The following KIF21B variants were observed in gnomAD, a reference collection of about 807,000 sequenced individuals.
KIF21B encodes the protein kinesin-like protein KIF21B.
In KIF21B, 85 loss-of-function variants were observed where a neutral mutation model predicts 192.9. The observed-to-expected ratio is 0.44, with a 90% CI of 0.37 to 0.53. KIF21B has a LOEUF of 0.53. KIF21B is among the 20% of genes least tolerant of loss of function. The pLI is 0.00. For synonymous variants in KIF21B, 832 were observed against 884.6 expected (o/e 0.94, Z 1.05); for missense variants, 1,716 against 2,194.8 (o/e 0.78, Z 4.36).
rs779375010 is a variant in KIF21B, at chr1:200,974,901, C to T, written c.4627G>A (p.Ala1543Thr). The change falls in exon 34 of 35, where the codon GCG (alanine) becomes ACG (threonine). Residue 1543 changes from alanine to threonine, a missense_variant. Ala to Thr is a moderately conservative substitution (Grantham distance 58). Around this residue, in one of 3 missense-constraint regions of KIF21B, gnomAD observed 580 missense variants for 775.5 expected, o/e 0.75. Transcript: ENST00000461742. ...AGGGCGCACACCCAGTCCTTGTGCGCATTGGGGATTTGCTGTGAGAGGATC... is the reference window on the plus strand; with the variant it reads ...AGGGCGCACACCCAGTCCTTGTGCGTATTGGGGATTTGCTGTGAGAGGATC... ...QQELIQQIPN[A>T]HKDWVCALAF... The T allele has an allele frequency of 8.7e-6, 14 of 1,613,722 alleles. No homozygotes were observed. Among genetic ancestry groups the T allele is most frequent in the Non-Finnish European group, 1.1e-5 (13 of 1,180,010 alleles).
intron 21 of KIF21B, 81 bp from the exon 22 acceptor site, chr1:200,989,012 G>C (rs1656499658): frequency 7.1e-7 from 1 of 1,405,470 alleles, no homozygotes; most frequent in African/African-American, 1.4e-5. Flanking sequence ...CACCCCTCAA[G>C]ACACCTTGGA....
chr1:200,981,996 G>T (rs1167569218), intron 28 of KIF21B, among the ~76,000 whole-genome samples: 1 of 152,124 alleles, frequency 6.6e-6, no homozygotes, highest in Non-Finnish European at 1.5e-5. Context: ...AGAGAAAGCT[G>T]CTCCTGACAG....
rs975225512 is a variant in KIF21B, at chr1:200,984,775, G to A, written c.3803+84C>T. The A allele has an allele frequency of 3.5e-5, 37 of 1,063,192 alleles. No homozygotes were observed. The African/African-American group carries it at 5.5e-4, about 16-fold the overall frequency. 65.9% of individuals were successfully genotyped at this position (1,063,192 alleles called of 1,614,324 possible). On this transcript the variant is annotated intron_variant, in intron 27 of 34. Transcript: ENST00000461742. Reference sequence around the variant, plus strand: ...CAGGCTGGGGTTGGCTTGGCCACCTGAGCCCTCCTCCAGCAAGGACCATCC... The same window carrying A: ...CAGGCTGGGGTTGGCTTGGCCACCTAAGCCCTCCTCCAGCAAGGACCATCC...
At chr1:200,974,120 T>G in intron 34 of KIF21B, 1 of 1,606,894 alleles carries the variant, frequency 6.2e-7, no homozygotes, top group Non-Finnish European at 8.5e-7. Flanking sequence ...GGCGCGGCCC[T>G]TTATGGCCAG....
Position 200,990,104 on chromosome 1 carries a change from G to T in KIF21B, c.3030+34C>A. ...GCTACCCCTGCCACCCATCTCTCCC[G>T]CCTCCGCCCCAGCAGGCCCAGCCCT... On this transcript the variant is annotated intron_variant, in intron 20 of 34. Coordinates refer to ENST00000461742, the MANE Select transcript of KIF21B (RefSeq NM_001252102.2). The surrounding 1 kb of genome is among the most constrained non-coding windows in gnomAD (Gnocchi z 5.4). 2 of 1,610,264 alleles carry T rather than the reference G, an allele frequency of 1.2e-6. No individual in the cohort carries two copies. The highest frequency in any genetic ancestry group is 1.7e-6 in the Non-Finnish European group (2 of 1,177,278).
chr1:201,023,286 C>G lies in KIF21B; in HGVS notation c.41+57G>C, dbSNP rs949080056. 2.7e-6 allele frequency: 4 copies of G among 1,458,282 alleles called. No individual in the cohort carries two copies. Among genetic ancestry groups the G allele is most frequent in the African/African-American group, 2.9e-5 (2 of 68,298 alleles). 90.3% of individuals were successfully genotyped at this position (1,458,282 alleles called of 1,614,324 possible). A position where few individuals can be genotyped will look rare whatever the true frequency, so the allele number is the denominator to read the frequency against. ...GCTCGCGCCCCCCGCCCAAAGCCCA[C>G]GCGAGACAAAGCCCGAGGCTTCTCC... is the stretch of plus-strand genomic sequence containing the variant. On this transcript the variant is annotated intron_variant, in intron 1 of 34. Transcript: ENST00000461742. The surrounding 1 kb of genome is among the most constrained non-coding windows in gnomAD (Gnocchi z 5.9).
At position 201,022,598 on chromosome 1, in the gene KIF21B, G is replaced by A. The variant is rs1012389914; in HGVS notation, c.41+745C>T. Among the ~76,000 whole-genome samples, 5 of 152,208 alleles carry A rather than the reference G, an allele frequency of 3.3e-5. No individual in the cohort carries two copies. The East Asian group carries it at 9.6e-4, about 29-fold the overall frequency. On this transcript the variant is annotated intron_variant, in intron 1 of 34. Coordinates refer to ENST00000461742, the MANE Select transcript of KIF21B (RefSeq NM_001252102.2). ...GTCCTCTCCCTGTCTCATTTCTGCC[G>A]GCTCAAGTCCCGGAGCTGTTGAGAA...
intron 3 of KIF21B, among the ~76,000 whole-genome samples, chr1:201,007,395 C>CACACACAGAG (rs1310755944): frequency 5.1e-4 from 72 of 141,508 alleles, no homozygotes; most frequent in African/African-American, 2.0e-3. Context: ...CACAGACACA[C>CACACACAGAG]ACACGCAGAC....
intron 15 of KIF21B, among the ~76,000 whole-genome samples, chr1:200,993,593 T>C (rs116107335): frequency 0.017 from 2,612 of 151,814 alleles, 85 homozygotes; most frequent in African/African-American, 0.059. Context: ...ACAAAAATAA[T>C]ACAAAAACTA....
chr1:200,983,517 C>T (rs1299367563), intron 27 of KIF21B, among the ~76,000 whole-genome samples: 2 of 152,190 alleles, frequency 1.3e-5, no homozygotes, highest in Non-Finnish European at 2.9e-5. Context: ...GATCCTACCC[C>T]TCCCTGGGAG....
chr1:200,995,607 G>C (rs554817804), intron 15 of KIF21B, among the ~76,000 whole-genome samples: 7 of 152,354 alleles, frequency 4.6e-5, no homozygotes, highest in South Asian at 4.1e-4. Context: ...CAGTGGCTTG[G>C]GAGCCAGAGA....
chr1:201,018,947 A>G (rs2102483318), intron 1 of KIF21B, among the ~76,000 whole-genome samples: 2 of 152,246 alleles, frequency 1.3e-5, no homozygotes, highest in East Asian at 3.9e-4. Context: ...ATTTTATTTT[A>G]TTTTTGAGAA....
rs374243260 is a variant in KIF21B at position 200,990,734 on chromosome 1, T to C, written c.2688-11A>G. On this transcript the variant is annotated splice_polypyrimidine_tract_variant and intron_variant, in intron 18 of 34. Transcript: ENST00000461742. The surrounding 1 kb of genome is among the most constrained non-coding windows in gnomAD (Gnocchi z 5.4). ...TTCTGGAACTTCTTTCTGGGAGACA[T>C]AGGCAAAGGGGATTGGATGGGACTC... The C allele has an allele frequency of 4.6e-4, 740 of 1,613,992 alleles. 2 individuals carry two copies. Among genetic ancestry groups the C allele is most frequent in the African/African-American group, 5.9e-4 (44 of 75,038 alleles).
At chr1:201,005,190 A>T in intron 5 of KIF21B, 118 bp downstream of exon 5, 1 of 1,378,422 alleles carries the variant, frequency 7.3e-7, no homozygotes, top group Non-Finnish European at 9.8e-7. Context: ...AAAATCAACA[A>T]ATGGCAGAGG....
At position 201,003,736 on chromosome 1, in the gene KIF21B, GA is replaced by G; in HGVS notation, c.1061del (p.Phe354SerfsTer22). Reference sequence around the variant, plus strand: ...ATTTGAGTGTGTTGAGGGTCTCCATGAAATCTCGGTCTGAGGGGCTCACACA... The same window carrying G: ...ATTTGAGTGTGTTGAGGGTCTCCATGAATCTCGGTCTGAGGGGCTCACACA... Reference protein sequence around the residue: ...IACVSPSDRDFMETLNTLKYA... With the variant: ...IACVSPSDRDXMETLNTLKYA... On this transcript the variant is annotated frameshift_variant, in exon 8 of 35. Transcript: ENST00000461742. LOFTEE classifies it high-confidence loss of function. The G allele has an allele frequency of 1.2e-6, 2 of 1,614,188 alleles. No homozygotes were observed. Among genetic ancestry groups the G allele is most frequent in the Non-Finnish European group, 1.7e-6 (2 of 1,180,028 alleles).
intron 9 of KIF21B, chr1:201,001,859 T>C: frequency 2.4e-6 from 1 of 413,670 alleles, no homozygotes; most frequent in South Asian, 3.5e-5. Flanking sequence ...CACACCAAGC[T>C]GCTCATAGAG....
At chr1:200,989,412 C>T (rs1269791014) in intron 21 of KIF21B, among the ~76,000 whole-genome samples, 3 of 152,194 alleles carry the variant, frequency 2.0e-5, no homozygotes, top group African/African-American at 7.2e-5. Context: ...AGATGCACAC[C>T]ATGTAGGGTC....
chr1:200,981,979 T>C (rs1655962662), intron 28 of KIF21B, among the ~76,000 whole-genome samples: 2 of 152,170 alleles, frequency 1.3e-5, no homozygotes, highest in Non-Finnish European at 2.9e-5. Flanking sequence ...CTTTGTTTCT[T>C]TTCCCAAGAG....
chr1:201,014,847 G>A (rs1558029430), intron 1 of KIF21B, among the ~76,000 whole-genome samples: 2 of 152,236 alleles, frequency 1.3e-5, no homozygotes, highest in Admixed American at 1.3e-4. Context: ...AGAGGTCACA[G>A]GCTATGGTAT....
Sources: gnomAD v4.1 joint callset for allele counts (sites outside exome capture counted in the v4.1 genomes callset) on GRCh38, gnomAD v4.1.1 for gene constraint, gnomAD v4.1.1 regional missense constraint, Gnocchi (gnomAD v3.1) non-coding constraint, MANE v1.5 for transcripts, NCBI Gene and HGNC (gene_info 2026-07-23, HGNC 2026-07-21) for gene names.